Variants in FLT4 observed in about 807,000 individuals in gnomAD.
The protein encoded by FLT4 is fms related receptor tyrosine kinase 4, also known as vascular endothelial growth factor receptor 3.
FLT4 carries 30 observed loss-of-function variants against 163.2 expected under a neutral mutation model. The observed-to-expected ratio is 0.18, with a 90% CI of 0.14 to 0.25. The LOEUF (loss-of-function observed/expected upper bound fraction) is 0.25. Among genes scored for constraint, FLT4 ranks in the 10% least tolerant of loss-of-function variants. FLT4 has a pLI of 1.00. For missense variants in FLT4, 1,510 were observed against 1,863.8 expected (o/e 0.81, Z 3.50); for synonymous variants, 884 against 789.5 (o/e 1.12, Z -2.01).
At chr5:180,609,240 G>C in intron 28 of FLT4, 187 bp from the exon 29 acceptor site, 1 of 639,802 alleles carries the variant, frequency 1.6e-6, no homozygotes, top group Non-Finnish European at 2.9e-6. Context: ...CCCTGCCACG[G>C]AGGGAGACAC....
chr5:180,606,649 T>G (rs1761802776), intron 29 of FLT4, among the ~76,000 whole-genome samples: 1 of 152,244 alleles, frequency 6.6e-6, no homozygotes, highest in Non-Finnish European at 1.5e-5. Context: ...TGACACCTTT[T>G]ACTTAATTAC....
chr5:180,645,322 C>T (rs62407089), intron 1 of FLT4, among the ~76,000 whole-genome samples: 37,157 of 152,206 alleles, frequency 0.24, 5,634 homozygotes, highest in Middle Eastern at 0.34. Context: ...ATGCTAAGCT[C>T]CCAGCACACG....
intron 29 of FLT4, among the ~76,000 whole-genome samples, chr5:180,603,827 C>T (rs1761642105): frequency 6.6e-6 from 1 of 151,934 alleles, no homozygotes; most frequent in African/African-American, 2.4e-5. Context: ...TGGCGTGAAC[C>T]CGGGAGGCGG....
Position 180,623,977 on chromosome 5 carries a change from C to G in FLT4, c.1506G>C (p.Glu502Asp), listed in dbSNP as rs776701542. The change falls in exon 11 of 30, where the codon GAG (glutamate) becomes GAC (aspartate). Residue 502 changes from glutamate (E) to aspartate (D), a missense_variant. Coordinates refer to ENST00000261937, the MANE Select transcript of FLT4 (RefSeq NM_182925.5). The surrounding 1 kb of genome is among the most constrained non-coding windows in gnomAD (Gnocchi z 5.8). ...CAAACTCGGTCCAGGTGTCCAGGCTCTCGATGGGGTTCACGGCATCCTGCG... is the reference window on the plus strand; with the variant it reads ...CAAACTCGGTCCAGGTGTCCAGGCTGTCGATGGGGTTCACGGCATCCTGCG... ...VTTQDAVNPI[E>D]SLDTWTEFVE... 6.2e-7 allele frequency: 1 copy of G among 1,613,658 alleles called. No individual in the cohort carries two copies. Among genetic ancestry groups the G allele is most frequent in the South Asian group, 1.1e-5 (1 of 91,084 alleles).
In FLT4 at chr5:180,623,800, C is replaced by A; in HGVS notation, c.1548+135G>T. The A allele has an allele frequency of 1.8e-6, 2 of 1,122,394 alleles. No homozygotes were observed. Among genetic ancestry groups the A allele is most frequent in the Non-Finnish European group, 2.7e-6 (2 of 746,300 alleles). The allele number at this position is 1,122,394 out of a possible 1,614,324, so 69.5% of individuals were successfully genotyped here. A position where few individuals can be genotyped will look rare whatever the true frequency, so the allele number is the denominator to read the frequency against. On this transcript the variant is annotated intron_variant, in intron 11 of 29. Transcript: ENST00000261937. This position sits in a 1 kb window ranked among gnomAD's most constrained non-coding sequence, Gnocchi z 5.8. The stretch of plus-strand genomic sequence containing the variant: ...AGGCAGGGTGGCCGAGGCCTACAGA[C>A]TGCAGGAAGGTCACCCGCTCTCGGC...
chr5:180,612,955 C>G (rs1242299402), intron 25 of FLT4, 56 bp downstream of exon 25: 1 of 1,378,606 alleles, frequency 7.3e-7, no homozygotes, highest in South Asian at 1.2e-5. Flanking sequence ...GGACACAACC[C>G]CCACGCCCCC....
intron 8 of FLT4, 87 bp downstream of exon 8, chr5:180,628,795 G>A: frequency 2.1e-6 from 2 of 936,428 alleles, no homozygotes; most frequent in South Asian, 1.4e-5. Flanking sequence ...CTGACGGGGA[G>A]GACGCTGCCC....
intron 25 of FLT4, among the ~76,000 whole-genome samples, 192 bp downstream of exon 25, chr5:180,612,819 G>A (rs1034581618): frequency 1.3e-5 from 2 of 152,088 alleles, no homozygotes; most frequent in Non-Finnish European, 2.9e-5. Flanking sequence ...GCTCTGTTCC[G>A]ACAGCGCCCG....
chr5:180,640,246 C>T (rs1765005115), intron 1 of FLT4, among the ~76,000 whole-genome samples: 1 of 152,214 alleles, frequency 6.6e-6, no homozygotes, highest in African/African-American at 2.4e-5. Flanking sequence ...TCATTTGATC[C>T]TCACAGCAGC....
At position 180,630,811 on chromosome 5, in the gene FLT4, C is replaced by T. The variant is rs1318241274; in HGVS notation, c.156-12G>A. ...GGGGGTGCTGTCCCCTGGCAGAGGA[C>T]AGGAGTGGTCAGGTGGGCCCCAGGG... On this transcript the variant is annotated splice_polypyrimidine_tract_variant and intron_variant, in intron 2 of 29. Transcript: ENST00000261937. This position sits in a 1 kb window ranked among gnomAD's most constrained non-coding sequence, Gnocchi z 6.3. 1.9e-6 allele frequency: 3 copies of T among 1,594,102 alleles called. No individual in the cohort carries two copies. In the African/African-American group the frequency reaches 4.0e-5, roughly 21 times the overall value.
chr5:180,620,737 G>GGCGT lies in FLT4; in HGVS notation c.2300-26_2300-23dup, dbSNP rs1561716473. ...GAGCCTGCGTGGGCAGAAAGGGGCCGGCGTGTGTGTGTGTGTGTGTAAGAG... is the reference window on the plus strand; with the variant it reads ...GAGCCTGCGTGGGCAGAAAGGGGCCGGCGTGCGTGTGTGTGTGTGTGTGTAAGAG... On this transcript the variant is annotated intron_variant, in intron 15 of 29. Coordinates refer to ENST00000261937, the MANE Select transcript of FLT4 (RefSeq NM_182925.5). This position sits in a 1 kb window ranked among gnomAD's most constrained non-coding sequence, Gnocchi z 4.4. 2 of 1,497,708 alleles carry GGCGT rather than the reference G, an allele frequency of 1.3e-6. No homozygotes were observed. The highest frequency in any genetic ancestry group is 1.9e-6 in the Non-Finnish European group (2 of 1,078,856). The allele number at this position is 1,497,708 out of a possible 1,614,324, so 92.8% of individuals were successfully genotyped here.
In FLT4 at chr5:180,623,860, C is replaced by T; in HGVS notation, c.1548+75G>A. On this transcript the variant is annotated intron_variant, in intron 11 of 29. Coordinates refer to ENST00000261937, the MANE Select transcript of FLT4 (RefSeq NM_182925.5). The surrounding 1 kb of genome is among the most constrained non-coding windows in gnomAD (Gnocchi z 5.8). ...CAGCACTCTGGAAGCCAGGTGGAAA[C>T]CACATGGCAGTAATGGCCTCTCTCT... The T allele has an allele frequency of 6.3e-7, 1 of 1,590,704 alleles. No homozygotes were observed.
chr5:180,621,316 C>T, intron 13 of FLT4, 64 bp from the exon 14 acceptor site: 2 of 1,560,970 alleles, frequency 1.3e-6, no homozygotes, highest in East Asian at 2.3e-5. Context: ...CCTCTTTGGG[C>T]TGGGAGCAGA....
In FLT4 at chr5:180,634,649, C is replaced by T. The variant is rs1322422122; in HGVS notation, c.59-2871G>A. ...GGCGGAGCTTGCAGTGAGTGGAGATCGCACCACTGCACTCCAGCCTGGGCG... is the reference window on the plus strand; with the variant it reads ...GGCGGAGCTTGCAGTGAGTGGAGATTGCACCACTGCACTCCAGCCTGGGCG... On this transcript the variant is annotated intron_variant, in intron 1 of 29. Coordinates refer to ENST00000261937, the MANE Select transcript of FLT4 (RefSeq NM_182925.5). Among the ~76,000 whole-genome samples, 26 of 130,648 alleles carry T rather than the reference C, an allele frequency of 2.0e-4. No individual in the cohort carries two copies. In the Admixed American group the frequency reaches 2.0e-3, roughly 10 times the overall value. 85.7% of individuals were successfully genotyped at this position (130,648 alleles called of 152,430 possible). A position where few individuals can be genotyped will look rare whatever the true frequency, so the allele number is the denominator to read the frequency against.
chr5:180,632,881 C>T (rs1764294190), intron 1 of FLT4, among the ~76,000 whole-genome samples: 1 of 152,076 alleles, frequency 6.6e-6, no homozygotes, highest in South Asian at 2.1e-4. Flanking sequence ...CCTGCCGGGG[C>T]CATCCTGAGA....
chr5:180,623,980 G>T lies in FLT4; in HGVS notation c.1503C>A (p.Ile501=), dbSNP rs745882315. Reference sequence around the variant, plus strand: ...ACTCGGTCCAGGTGTCCAGGCTCTCGATGGGGTTCACGGCATCCTGCGTGG... The same window carrying T: ...ACTCGGTCCAGGTGTCCAGGCTCTCTATGGGGTTCACGGCATCCTGCGTGG... ...AVTTQDAVNP[I]ESLDTWTEFV... Residue 501 remains isoleucine, a synonymous_variant, in exon 11 of 30, where the codon ATC becomes ATA. Coordinates refer to ENST00000261937, the MANE Select transcript of FLT4 (RefSeq NM_182925.5). This position sits in a 1 kb window ranked among gnomAD's most constrained non-coding sequence, Gnocchi z 5.8. 1.2e-6 allele frequency: 2 copies of T among 1,613,542 alleles called. No individual in the cohort carries two copies. The highest frequency in any genetic ancestry group is 1.7e-6 in the Non-Finnish European group (2 of 1,179,990).
chr5:180,619,084 G>A lies in FLT4; in HGVS notation c.2787C>T (p.Phe929=), dbSNP rs750827997. 3 of 1,558,958 alleles carry A rather than the reference G, an allele frequency of 1.9e-6. No homozygotes were observed. Among genetic ancestry groups the A allele is most frequent in the African/African-American group, 1.4e-5 (1 of 71,814 alleles). The part of the protein sequence containing the change: ...PQGPLMVIVE[F]CKYGNLSNFL... ...AGTTGGAGAGGTTGCCGTACTTGCA[G>A]AACTCCACGATCACCATGAGGGGGC... is the stretch of plus-strand genomic sequence containing the variant. Residue 929 remains phenylalanine (F), a synonymous_variant, in exon 20 of 30, where the codon TTC becomes TTT. Transcript: ENST00000261937.
chr5:180,631,462 G>C (rs1291129500), intron 2 of FLT4, among the ~76,000 whole-genome samples: 3 of 152,022 alleles, frequency 2.0e-5, no homozygotes, highest in Middle Eastern at 6.8e-3. Flanking sequence ...GACAGAGTGA[G>C]ACTCCATCTC....
rs755158312 is a variant in FLT4 at position 180,619,119 on chromosome 5, G to T, written c.2762-10C>A. 1 of 1,505,630 alleles carries T rather than the reference G, an allele frequency of 6.6e-7. No individual in the cohort carries two copies. The highest frequency in any genetic ancestry group is 1.3e-5 in the South Asian group (1 of 79,876). The allele number at this position is 1,505,630 out of a possible 1,614,324, so 93.3% of individuals were successfully genotyped here. On this transcript the variant is annotated splice_polypyrimidine_tract_variant and intron_variant, in intron 19 of 29. Coordinates refer to ENST00000261937, the MANE Select transcript of FLT4 (RefSeq NM_182925.5). ...ATCACCATGAGGGGGCCTGCGGCGGGACCGGGCGGCGGCCGTGCGTTCGGA... is the reference window on the plus strand; with the variant it reads ...ATCACCATGAGGGGGCCTGCGGCGGTACCGGGCGGCGGCCGTGCGTTCGGA...
Sources: gnomAD v4.1 joint callset for allele counts (sites outside exome capture counted in the v4.1 genomes callset) on GRCh38, gnomAD v4.1.1 for gene constraint, Gnocchi (gnomAD v3.1) non-coding constraint, MANE v1.5 for transcripts, NCBI Gene and HGNC (gene_info 2026-07-23, HGNC 2026-07-21) for gene names.